Variants in PKIB observed in about 807,000 individuals in gnomAD.
PKIB encodes the protein PKI-beta.
A neutral mutation model predicts 4.5 loss-of-function variants in PKIB; 2 were observed. The ratio of observed to expected loss-of-function variants is 0.44; its 90% CI spans 0.18 to 1.39. PKIB has a LOEUF of 1.39. PKIB is among the 40% of genes most tolerant of loss of function. The probability of loss-of-function intolerance (pLI) is 0.27; values close to 1 mark genes in which losing one functional copy is unlikely to be tolerated. For missense variants in PKIB, 94 were observed against 92.6 expected, an observed-to-expected ratio of 1.02 and a Z score of -0.06; for synonymous variants, 38 against 36.0, an observed-to-expected ratio of 1.06 and a Z score of -0.20.
intron 3 of PKIB, among the ~76,000 whole-genome samples, chr6:122,708,766 T>C (rs1779158033): frequency 6.6e-6 from 1 of 152,128 alleles, no homozygotes; most frequent in Non-Finnish European, 1.5e-5. Flanking sequence ...CCTGAGTAAC[T>C]GGGATTACAG....
At chr6:122,562,006 T>TTG (rs1773045419) in intron 2 of PKIB, among the ~76,000 whole-genome samples, 1 of 142,042 alleles carries the variant, frequency 7.0e-6, no homozygotes, top group Non-Finnish European at 1.5e-5. Flanking sequence ...TTTTTTTTGT[T>TTG]TTTTTTTTTT....
chr6:122,690,849 G>T (rs1308441201), intron 3 of PKIB, among the ~76,000 whole-genome samples: 1 of 150,618 alleles, frequency 6.6e-6, no homozygotes, highest in Non-Finnish European at 1.5e-5. Context: ...GACAGGTCTG[G>T]TGTTGATGAA....
chr6:122,619,512 T>C (rs990053956), intron 1 of PKIB, among the ~76,000 whole-genome samples: 25 of 152,070 alleles, frequency 1.6e-4, no homozygotes, highest in African/African-American at 4.8e-4. Context: ...CGCACCTGCC[T>C]TGGAACTTAC....
intron 3 of PKIB, chr6:122,701,562 A>AT: frequency 6.4e-7 from 1 of 1,556,200 alleles, no homozygotes; most frequent in Non-Finnish European, 8.7e-7. Context: ...AAGAGATGGC[A>AT]TAACAGTGCC....
chr6:122,521,552 C>T (rs994678767), intron 2 of PKIB, among the ~76,000 whole-genome samples: 9 of 151,814 alleles, frequency 5.9e-5, no homozygotes, highest in African/African-American at 1.5e-4. Context: ...TGGTGGTGGG[C>T]GCCTGTAGTC....
At chr6:122,713,856 A>G (rs540605168) in intron 3 of PKIB, among the ~76,000 whole-genome samples, 1 of 152,256 alleles carries the variant, frequency 6.6e-6, no homozygotes, top group African/African-American at 2.4e-5. Flanking sequence ...TATTATTTGT[A>G]TAAAGTTGAG....
At chr6:122,535,113 T>C (rs1049839718) in intron 2 of PKIB, among the ~76,000 whole-genome samples, 6 of 152,140 alleles carry the variant, frequency 3.9e-5, no homozygotes, top group Admixed American at 1.3e-4. Flanking sequence ...CTTCTTTACA[T>C]CTAACTGTGG....
chr6:122,533,700 A>T (rs1777326365), intron 2 of PKIB, among the ~76,000 whole-genome samples: 1 of 152,216 alleles, frequency 6.6e-6, no homozygotes, highest in Non-Finnish European at 1.5e-5. Flanking sequence ...CTCAAGAAAC[A>T]AGAACAATTT....
chr6:122,557,600 G>C (rs922194674), intron 2 of PKIB, among the ~76,000 whole-genome samples: 1 of 152,190 alleles, frequency 6.6e-6, no homozygotes. Flanking sequence ...ACAAAACCAA[G>C]GAGCTCTTCT....
intron 2 of PKIB, among the ~76,000 whole-genome samples, chr6:122,665,752 ATGCATATAACTGGTTATTTAGAGGTAAT>A (rs1562292204): frequency 6.6e-6 from 1 of 152,222 alleles, no homozygotes; most frequent in Non-Finnish European, 1.5e-5. Context: ...TTCTGGTCCT[ATGCATATAACTGGTTATTTAGAGGTAAT>A]TGTTTTTTGA....
chr6:122,484,607 A>G (rs1306845040), intron 2 of PKIB, among the ~76,000 whole-genome samples: 2 of 152,240 alleles, frequency 1.3e-5, no homozygotes, highest in Non-Finnish European at 2.9e-5. Flanking sequence ...CCTTATCAGA[A>G]ATTCACAGCA....
At chr6:122,551,093 T>C (rs1423895572) in intron 2 of PKIB, among the ~76,000 whole-genome samples, 2 of 152,178 alleles carry the variant, frequency 1.3e-5, no homozygotes, top group Non-Finnish European at 2.9e-5. Flanking sequence ...ATTTCACTTA[T>C]ATGCTTGAGT....
chr6:122,520,661 T>G (rs1582672573), intron 2 of PKIB, among the ~76,000 whole-genome samples: 1 of 55,600 alleles, frequency 1.8e-5, no homozygotes, highest in Non-Finnish European at 3.8e-5. Flanking sequence ...AAGTTTATGT[T>G]CCCACCCCCC....
chr6:122,606,439 G>A (rs1467322860), upstream of PKIB, among the ~76,000 whole-genome samples: 2 of 152,050 alleles, frequency 1.3e-5, no homozygotes, highest in African/African-American at 4.8e-5. Flanking sequence ...GGGTGTGGTG[G>A]CATGTGCCTG....
At chr6:122,676,430 C>G (rs1777676589) in intron 3 of PKIB, among the ~76,000 whole-genome samples, 1 of 152,046 alleles carries the variant, frequency 6.6e-6, no homozygotes, top group Non-Finnish European at 1.5e-5. Flanking sequence ...AGCCCATGGC[C>G]CAAGTGTAAA....
chr6:122,659,804 A>G (rs1277754820), intron 2 of PKIB, among the ~76,000 whole-genome samples: 1 of 152,196 alleles, frequency 6.6e-6, no homozygotes, highest in Non-Finnish European at 1.5e-5. Flanking sequence ...GCAGAAGTGA[A>G]GTAATTGAAA....
At chr6:122,495,981 AT>A (rs1465489705) in intron 2 of PKIB, among the ~76,000 whole-genome samples, 1 of 152,144 alleles carries the variant, frequency 6.6e-6, no homozygotes, top group Non-Finnish European at 1.5e-5. Flanking sequence ...TACACTTGCC[AT>A]CTCTGTATTC....
intron 3 of PKIB, among the ~76,000 whole-genome samples, chr6:122,703,660 C>A (rs1778922497): frequency 6.6e-6 from 1 of 151,730 alleles, no homozygotes; most frequent in Non-Finnish European, 1.5e-5. Context: ...GAATAGTGAA[C>A]TATATACACT....
At chr6:122,545,633 C>A (rs1052206742) in intron 2 of PKIB, among the ~76,000 whole-genome samples, 1 of 150,786 alleles carries the variant, frequency 6.6e-6, no homozygotes, top group Non-Finnish European at 1.5e-5. Flanking sequence ...CTGTTGTTCC[C>A]TTCTTTGTGG....
Sources: allele counts gnomAD v4.1 joint callset (sites outside exome capture counted in the v4.1 genomes callset), GRCh38; gene constraint gnomAD v4.1.1; transcripts MANE v1.5; gene names NCBI Gene and HGNC (gene_info 2026-07-23, HGNC 2026-07-21).